The following NRXN3 variants were observed in gnomAD, a reference collection of about 807,000 sequenced individuals.
The protein encoded by NRXN3 is neurexin III.
In NRXN3, 32 loss-of-function variants were observed where a neutral mutation model predicts 137.6. The ratio of observed to expected loss-of-function variants is 0.23; its 90% CI spans 0.18 to 0.31. NRXN3 has a LOEUF of 0.31. Among genes scored for constraint, NRXN3 ranks in the 10% least tolerant of loss-of-function variants. The pLI, the probability that NRXN3 is intolerant of heterozygous loss-of-function variation, is 1.00. For synonymous variants in NRXN3, 798 were observed against 784.5 expected (o/e 1.02, Z -0.29); for missense variants, 1,574 against 2,062.5 (o/e 0.76, Z 4.59).
intron 15 of NRXN3, among the ~76,000 whole-genome samples, chr14:79,383,708 C>T (rs963202676): frequency 3.9e-5 from 6 of 152,162 alleles, no homozygotes; most frequent in African/African-American, 1.4e-4. Context: ...CCCTTAGCTA[C>T]TGCCTGAATG....
intron 4 of NRXN3, among the ~76,000 whole-genome samples, chr14:78,576,887 C>T (rs2096941531): frequency 6.6e-6 from 1 of 152,172 alleles, no homozygotes; most frequent in South Asian, 2.1e-4. Context: ...AGGGCTGAAC[C>T]AACCCCACTA....
intron 10 of NRXN3, among the ~76,000 whole-genome samples, chr14:78,935,580 T>C (rs1395017687): frequency 2.0e-5 from 3 of 152,166 alleles, no homozygotes; most frequent in South Asian, 4.1e-4. Context: ...GTTTCGAGAA[T>C]ATTGACAAGG....
intron 15 of NRXN3, among the ~76,000 whole-genome samples, chr14:79,465,578 C>T (rs1320769037): frequency 6.6e-6 from 1 of 152,180 alleles, no homozygotes; most frequent in Non-Finnish European, 1.5e-5. Flanking sequence ...ATTCTAGTCT[C>T]ACAAGAGTTA....
At chr14:79,700,463 G>A (rs1174867905) in intron 19 of NRXN3, among the ~76,000 whole-genome samples, 1 of 151,976 alleles carries the variant, frequency 6.6e-6, no homozygotes. Context: ...TAATAACATT[G>A]TCAAAGCAAA....
chr14:79,289,291 A>G (rs997902514), intron 15 of NRXN3, among the ~76,000 whole-genome samples: 2 of 152,176 alleles, frequency 1.3e-5, no homozygotes, highest in African/African-American at 2.4e-5. Context: ...GCAGGCACAT[A>G]TTCTGCCAGT....
chr14:79,587,793 C>T (rs1413671216), intron 16 of NRXN3, among the ~76,000 whole-genome samples: 1 of 152,124 alleles, frequency 6.6e-6, no homozygotes, highest in African/African-American at 2.4e-5. Context: ...GTAGACTGTC[C>T]ATAGTGGGAT....
At chr14:79,236,925 T>C (rs1212067357) in intron 15 of NRXN3, among the ~76,000 whole-genome samples, 1 of 152,000 alleles carries the variant, frequency 6.6e-6, no homozygotes, top group African/African-American at 2.4e-5. Flanking sequence ...AATATATATA[T>C]TTTTAAAAGT....
chr14:78,460,790 C>T (rs755248870), intron 4 of NRXN3, among the ~76,000 whole-genome samples: 4 of 146,420 alleles, frequency 2.7e-5, no homozygotes, highest in Admixed American at 1.4e-4. Flanking sequence ...GGAAGATGCC[C>T]GGTGGTCTAT....
At chr14:78,185,764 T>C (rs1595703395) in intron 1 of NRXN3, among the ~76,000 whole-genome samples, 1 of 152,184 alleles carries the variant, frequency 6.6e-6, no homozygotes, top group African/African-American at 2.4e-5. Flanking sequence ...GAATGACTTG[T>C]CCACCAGCCA....
intron 4 of NRXN3, among the ~76,000 whole-genome samples, chr14:78,330,045 C>T (rs536021806): frequency 1.3e-5 from 2 of 152,204 alleles, no homozygotes; most frequent in East Asian, 3.9e-4. Context: ...ATGGAAGGCT[C>T]AGTATTGATG....
At chr14:79,012,611 C>T (rs1473730319) in intron 15 of NRXN3, among the ~76,000 whole-genome samples, 5 of 152,250 alleles carry the variant, frequency 3.3e-5, no homozygotes, top group South Asian at 2.1e-4. Context: ...TTGCTCCCCA[C>T]GTAACCCTCT....
At chr14:79,038,689 A>T (rs1310943173) in intron 15 of NRXN3, among the ~76,000 whole-genome samples, 1 of 152,124 alleles carries the variant, frequency 6.6e-6, no homozygotes, top group Non-Finnish European at 1.5e-5. Flanking sequence ...GTGTTACAAA[A>T]CACCAGTTAT....
At chr14:79,705,179 G>T (rs1254064762) in intron 19 of NRXN3, among the ~76,000 whole-genome samples, 1 of 152,136 alleles carries the variant, frequency 6.6e-6, no homozygotes, top group Non-Finnish European at 1.5e-5. Context: ...CAGCTGGGAG[G>T]GAAGTGGGGT....
chr14:78,448,665 C>T (rs2094480194), intron 4 of NRXN3, among the ~76,000 whole-genome samples: 1 of 152,250 alleles, frequency 6.6e-6, no homozygotes, highest in South Asian at 2.1e-4. Flanking sequence ...GAAGGTGGCG[C>T]ATTATCACTA....
At chr14:79,391,150 G>T (rs558289035) in intron 15 of NRXN3, among the ~76,000 whole-genome samples, 2 of 152,018 alleles carry the variant, frequency 1.3e-5, no homozygotes, top group East Asian at 3.9e-4. Flanking sequence ...AAATGTAATG[G>T]ACAAGAATGG....
chr14:79,526,092 G>T (rs2097116471), intron 16 of NRXN3, among the ~76,000 whole-genome samples: 2 of 152,110 alleles, frequency 1.3e-5, no homozygotes, highest in African/African-American at 4.8e-5. Flanking sequence ...TTGTTGCCCA[G>T]GCTGGAGTGC....
intron 8 of NRXN3, among the ~76,000 whole-genome samples, chr14:78,734,594 C>A (rs375797297): frequency 5.3e-5 from 8 of 152,134 alleles, no homozygotes; most frequent in African/African-American, 1.7e-4. Flanking sequence ...CATGCAATTT[C>A]AAACTTTTGA....
At chr14:78,730,007 C>A (rs143112865) in intron 8 of NRXN3, among the ~76,000 whole-genome samples, 4 of 152,198 alleles carry the variant, frequency 2.6e-5, no homozygotes, top group African/African-American at 9.6e-5. Flanking sequence ...CACCCTCACC[C>A]CCAATAACAA....
At chr14:78,245,820 T>C (rs971398692) in intron 2 of NRXN3, among the ~76,000 whole-genome samples, 2 of 152,088 alleles carry the variant, frequency 1.3e-5, no homozygotes, top group African/African-American at 4.8e-5. Flanking sequence ...ATGCCAGGCA[T>C]ATATATCGTC....
Sources: gnomAD v4.1 joint callset for allele counts (sites outside exome capture counted in the v4.1 genomes callset) on GRCh38, gnomAD v4.1.1 for gene constraint, MANE v1.5 for transcripts, NCBI Gene and HGNC (gene_info 2026-07-23, HGNC 2026-07-21) for gene names.